ZNF704: variants seen among roughly 807,000 people sequenced by gnomAD.
ZNF704 encodes the protein glucocorticoid induced gene 1.
ZNF704 carries 10 observed loss-of-function variants against 44.7 expected under a neutral mutation model. The observed-to-expected ratio is 0.22, with a 90% confidence interval of 0.14 to 0.38. ZNF704 has a LOEUF of 0.38. Among genes scored for constraint, ZNF704 ranks in the 10% least tolerant of loss-of-function variants. ZNF704 has a pLI of 1.00. For missense variants in ZNF704, 390 were observed against 545.5 expected (o/e 0.71, Z 2.84); for synonymous variants, 211 against 207.6 (o/e 1.02, Z -0.14).
At chr8:80,657,433 C>G (rs1426159879) in intron 7 of ZNF704, among the ~76,000 whole-genome samples, 1 of 152,144 alleles carries the variant, frequency 6.6e-6, no homozygotes, top group Non-Finnish European at 1.5e-5. Flanking sequence ...TGGCTCAAGC[C>G]TGTAATCCCA....
intron 1 of ZNF704, among the ~76,000 whole-genome samples, chr8:80,833,380 T>C (rs1412584295): frequency 6.6e-6 from 1 of 152,130 alleles, no homozygotes; most frequent in Admixed American, 6.5e-5. Flanking sequence ...CTGCTAAGGA[T>C]CATGTTCAAA....
intron 2 of ZNF704, among the ~76,000 whole-genome samples, chr8:80,759,977 G>C (rs1807101023): frequency 6.6e-6 from 1 of 151,858 alleles, no homozygotes; most frequent in Non-Finnish European, 1.5e-5. Context: ...AGGCTGTCTT[G>C]AATGCCTGGC....
chr8:80,671,254 A>C (rs546615789), intron 4 of ZNF704, among the ~76,000 whole-genome samples: 1 of 152,142 alleles, frequency 6.6e-6, no homozygotes, highest in African/African-American at 2.4e-5. Flanking sequence ...TAGCCTCCCA[A>C]GTAGTTGGGA....
At chr8:80,727,805 A>G (rs1355702661) in intron 2 of ZNF704, among the ~76,000 whole-genome samples, 1 of 152,166 alleles carries the variant, frequency 6.6e-6, no homozygotes, top group Non-Finnish European at 1.5e-5. Flanking sequence ...AAAAATTAGC[A>G]TCGGTATTTC....
At chr8:80,718,873 A>G (rs1819116863) in intron 2 of ZNF704, among the ~76,000 whole-genome samples, 1 of 152,112 alleles carries the variant, frequency 6.6e-6, no homozygotes, top group Non-Finnish European at 1.5e-5. Flanking sequence ...TCTTCCCCAC[A>G]TGTAAAGTTC....
intron 2 of ZNF704, among the ~76,000 whole-genome samples, chr8:80,748,115 C>T (rs1189139609): frequency 1.3e-5 from 2 of 152,206 alleles, no homozygotes; most frequent in African/African-American, 4.8e-5. Context: ...TATACTCCAT[C>T]TTCAGAAACA....
Position 80,633,790 on chromosome 8 carries a change from T to A in ZNF704, c.*7576A>T, listed in dbSNP as rs1458867009. 6.6e-6 allele frequency: 1 copy of A among 152,210 alleles called. No individual in the cohort carries two copies. The highest frequency in any genetic ancestry group is 1.5e-5 in the Non-Finnish European group (1 of 68,042). The allele number at this position is 152,210 out of a possible 1,614,324, so 9.4% of individuals were successfully genotyped here. A position where few individuals can be genotyped will look rare whatever the true frequency, so the allele number is the denominator to read the frequency against. On this transcript the variant is annotated 3_prime_UTR_variant, in exon 9 of 9. Transcript: ENST00000327835. Reference sequence around the variant, plus strand: ...AGGGTCAGTGACTATCCCAACACCATCAGGACTCTGATGTAAGATAGAGTT... The same window carrying A: ...AGGGTCAGTGACTATCCCAACACCAACAGGACTCTGATGTAAGATAGAGTT...
chr8:80,830,111 G>A (rs1415851071), intron 1 of ZNF704, among the ~76,000 whole-genome samples: 2 of 152,170 alleles, frequency 1.3e-5, no homozygotes, highest in South Asian at 2.1e-4. Context: ...TCACAGGAGA[G>A]GAGAGAGTAG....
chr8:80,676,834 G>T (rs558500167), intron 4 of ZNF704, among the ~76,000 whole-genome samples: 1 of 152,272 alleles, frequency 6.6e-6, no homozygotes, highest in East Asian at 1.9e-4. Context: ...TCACAATAGG[G>T]TTCATGCTCC....
intron 2 of ZNF704, among the ~76,000 whole-genome samples, chr8:80,749,008 A>G (rs1489197299): frequency 6.6e-6 from 1 of 152,194 alleles, no homozygotes; most frequent in Non-Finnish European, 1.5e-5. Flanking sequence ...AAACTGGTTT[A>G]AAGCAATTTG....
chr8:80,662,604 A>T (rs947289657), intron 6 of ZNF704, among the ~76,000 whole-genome samples: 28 of 152,338 alleles, frequency 1.8e-4, no homozygotes, highest in African/African-American at 6.7e-4. Flanking sequence ...TAAGTCTGCT[A>T]AATAAGTGGC....
chr8:80,823,663 T>C (rs7010879), intron 1 of ZNF704, among the ~76,000 whole-genome samples: 33,827 of 151,796 alleles, frequency 0.22, 5,442 homozygotes, highest in African/African-American at 0.46. Context: ...AACTGGGAGG[T>C]ACCTCCCAGT....
At position 80,821,630 on chromosome 8, in the gene ZNF704, A is replaced by G. The variant is rs1325851552; in HGVS notation, c.-21-15T>C. ...ATGCTCCCCACCTGTGAAATGAAAC[A>G]CAGAAATTCTTACTCACATAAAACA... On this transcript the variant is annotated splice_polypyrimidine_tract_variant and intron_variant, in intron 1 of 8. Coordinates refer to ENST00000327835, the MANE Select transcript of ZNF704 (RefSeq NM_001033723.3). The G allele has an allele frequency of 1.9e-6, 3 of 1,598,636 alleles. No individual in the cohort carries two copies. Among genetic ancestry groups the G allele is most frequent in the Middle Eastern group, 1.7e-4 (1 of 6,032 alleles).
chr8:80,727,165 C>G (rs978652441), intron 2 of ZNF704, among the ~76,000 whole-genome samples: 3 of 152,044 alleles, frequency 2.0e-5, no homozygotes, highest in Admixed American at 2.0e-4. Flanking sequence ...GGTAGAATAG[C>G]AAGAGATTAA....
At chr8:80,795,579 C>T (rs1407670168) in intron 2 of ZNF704, among the ~76,000 whole-genome samples, 3 of 152,068 alleles carry the variant, frequency 2.0e-5, no homozygotes, top group Non-Finnish European at 4.4e-5. Flanking sequence ...CAATAGACTG[C>T]ATCTGAACAG....
At chr8:80,880,768 A>T in the ZNF704 span, among the ~76,000 whole-genome samples, 9 of 152,372 alleles carry the variant, frequency 5.9e-5, no homozygotes, top group East Asian at 1.5e-3. Flanking sequence ...ATCACAAAAA[A>T]CTTGTAGACT....
At chr8:80,764,714 T>C (rs1372472714) in intron 2 of ZNF704, among the ~76,000 whole-genome samples, 1 of 152,204 alleles carries the variant, frequency 6.6e-6, no homozygotes, top group African/African-American at 2.4e-5. Context: ...CCATTGTAAT[T>C]AAGTGATTTT....
At chr8:80,871,305 C>T in intron 1 of ZNF704, among the ~76,000 whole-genome samples, 1 of 152,200 alleles carries the variant, frequency 6.6e-6, no homozygotes, top group Admixed American at 6.5e-5. Flanking sequence ...TCCCAGCCTC[C>T]TTGACATATC....
chr8:80,857,760 C>CT (rs1321828211), intron 1 of ZNF704, among the ~76,000 whole-genome samples: 1 of 152,080 alleles, frequency 6.6e-6, no homozygotes, highest in Non-Finnish European at 1.5e-5. Context: ...CATCTTACTT[C>CT]TTTTTTGTAA....
Sources: allele counts gnomAD v4.1 joint callset (sites outside exome capture counted in the v4.1 genomes callset), GRCh38; gene constraint gnomAD v4.1.1; transcripts MANE v1.5; gene names NCBI Gene and HGNC (gene_info 2026-07-23, HGNC 2026-07-21).